The following CUX1 variants were observed in gnomAD, a reference collection of about 807,000 sequenced individuals.
CUX1 encodes protein CASP.
A neutral mutation model predicts 158.8 loss-of-function variants in CUX1; 31 were observed. The ratio of observed to expected loss-of-function variants is 0.20; its 90% CI spans 0.15 to 0.26. The LOEUF is 0.26. CUX1 is among the 10% of genes least tolerant of loss of function. The pLI, the probability that CUX1 is intolerant of heterozygous loss-of-function variation, is 1.00. For missense variants in CUX1, 1,589 were observed against 2,014.6 expected (o/e 0.79, Z 4.04); for synonymous variants, 879 against 862.1 (o/e 1.02, Z -0.34).
chr7:102,039,719 G>A (rs1262581564), intron 3 of CUX1, among the ~76,000 whole-genome samples: 1 of 150,862 alleles, frequency 6.6e-6, no homozygotes, highest in Non-Finnish European at 1.5e-5. Flanking sequence ...TGCAAACCCT[G>A]CCTGAAGCCC....
chr7:102,131,487 C>A (rs1833226289), intron 8 of CUX1, among the ~76,000 whole-genome samples: 1 of 142,856 alleles, frequency 7.0e-6, no homozygotes, highest in Admixed American at 7.0e-5. Flanking sequence ...GACATAATTT[C>A]TGTTTAAAAA....
intron 2 of CUX1, among the ~76,000 whole-genome samples, chr7:101,955,355 T>G (rs1289955055): frequency 3.9e-5 from 6 of 152,226 alleles, no homozygotes; most frequent in Non-Finnish European, 8.8e-5. Context: ...TTCACTGTGC[T>G]GAGTTCTACC....
intron 1 of CUX1, among the ~76,000 whole-genome samples, chr7:101,891,189 G>T (rs936781131): frequency 1.3e-5 from 2 of 152,038 alleles, no homozygotes; most frequent in African/African-American, 4.8e-5. Flanking sequence ...TGGAGTCTGA[G>T]ACTGGATCTG....
At chr7:102,150,809 T>G (rs1481128594) in intron 8 of CUX1, among the ~76,000 whole-genome samples, 2 of 152,216 alleles carry the variant, frequency 1.3e-5, no homozygotes, top group Admixed American at 6.5e-5. Flanking sequence ...GAACTACATA[T>G]TCTAGGCCAA....
intron 2 of CUX1, among the ~76,000 whole-genome samples, chr7:102,013,334 C>T (rs1225772487): frequency 6.6e-6 from 1 of 152,130 alleles, no homozygotes; most frequent in Non-Finnish European, 1.5e-5. Context: ...CAAATTTGCT[C>T]GACATTTATG....
chr7:102,096,958 A>G (rs1829263527), intron 4 of CUX1, among the ~76,000 whole-genome samples: 1 of 152,202 alleles, frequency 6.6e-6, no homozygotes, highest in East Asian at 1.9e-4. Flanking sequence ...GGACCCTTAA[A>G]CATCCCGGCA....
At chr7:101,866,253 G>C (rs548105429) in intron 1 of CUX1, among the ~76,000 whole-genome samples, 2 of 152,088 alleles carry the variant, frequency 1.3e-5, no homozygotes, top group South Asian at 2.1e-4. Flanking sequence ...CTTGAGGCCA[G>C]GGGTTCGAGA....
intron 5 of CUX1, among the ~76,000 whole-genome samples, chr7:102,101,894 AGAGC>A (rs1554486522): frequency 6.8e-6 from 1 of 147,382 alleles, no homozygotes; most frequent in East Asian, 1.9e-4. Flanking sequence ...CCTGGGTGAC[AGAGC>A]GAGTATCTGT....
intron 8 of CUX1, among the ~76,000 whole-genome samples, chr7:102,116,170 G>A (rs578115568): frequency 5.3e-5 from 8 of 152,218 alleles, no homozygotes; most frequent in South Asian, 4.1e-4. Context: ...ATGGGGTGCC[G>A]GCACTTACTG....
chr7:102,166,673 A>G (rs556242749), intron 9 of CUX1, among the ~76,000 whole-genome samples: 1 of 152,330 alleles, frequency 6.6e-6, no homozygotes, highest in Non-Finnish European at 1.5e-5. Context: ...GCTCCAGATC[A>G]GTGTCTGTTT....
chr7:102,097,782 G>C (rs1259664016), intron 5 of CUX1, among the ~76,000 whole-genome samples: 1 of 152,222 alleles, frequency 6.6e-6, no homozygotes, highest in African/African-American at 2.4e-5. Flanking sequence ...ATCATTACGT[G>C]ATTGGGTCTG....
intron 20 of CUX1, among the ~76,000 whole-genome samples, chr7:102,223,404 C>T (rs1432880902): frequency 6.6e-6 from 1 of 152,094 alleles, no homozygotes; most frequent in Non-Finnish European, 1.5e-5. Context: ...TTTATGTTGA[C>T]TGTAGGTCTT....
At chr7:101,938,905 G>A (rs553958518) in intron 2 of CUX1, among the ~76,000 whole-genome samples, 2 of 151,708 alleles carry the variant, frequency 1.3e-5, no homozygotes, top group African/African-American at 4.8e-5. Flanking sequence ...GCTGGGCATG[G>A]TGGTGTATGT....
intron 20 of CUX1, among the ~76,000 whole-genome samples, chr7:102,207,416 A>G (rs1796065683): frequency 6.6e-6 from 1 of 152,172 alleles, no homozygotes; most frequent in Non-Finnish European, 1.5e-5. Flanking sequence ...GTGACTAGGG[A>G]GAAAAATGGA....
Position 102,195,510 on chromosome 7 carries a change from G to A in CUX1, c.1129G>A (p.Ala377Thr), listed in dbSNP as rs1794706995. Reference sequence around the variant, plus strand: ...ACCCCCGCTCTGCCCCTTCTAGGATGCGGCCAAGCCCCTGGAGGTGCTGTT... The same window carrying A: ...ACCCCCGCTCTGCCCCTTCTAGGATACGGCCAAGCCCCTGGAGGTGCTGTT... Reference protein sequence around the residue: ...APSEGAGTQDAAKPLEVLLLE... With the variant: ...APSEGAGTQDTAKPLEVLLLE... Residue 377 changes from alanine (A) to threonine (T), a missense_variant, in exon 14 of 24, where the codon GCG becomes ACG. By Grantham distance (58) the Ala-to-Thr change is moderately conservative (BLOSUM62 0). Transcript: ENST00000292535. The A allele has an allele frequency of 6.2e-7, 1 of 1,611,378 alleles. No individual in the cohort carries two copies. Among genetic ancestry groups the A allele is most frequent in the East Asian group, 2.2e-5 (1 of 44,822 alleles).
intron 20 of CUX1, among the ~76,000 whole-genome samples, chr7:102,220,554 C>T (rs768881242): frequency 6.6e-6 from 1 of 152,202 alleles, no homozygotes; most frequent in Non-Finnish European, 1.5e-5. Flanking sequence ...GGTGGCCACC[C>T]TGTTGTGTCT....
At chr7:102,030,035 G>A (rs1820536741) in intron 3 of CUX1, among the ~76,000 whole-genome samples, 1 of 149,860 alleles carries the variant, frequency 6.7e-6, no homozygotes, top group Admixed American at 6.7e-5. Flanking sequence ...TTTTGAGACA[G>A]ATTTTCACTC....
chr7:102,000,027 G>T (rs946245933), intron 2 of CUX1, among the ~76,000 whole-genome samples: 2 of 152,132 alleles, frequency 1.3e-5, no homozygotes, highest in African/African-American at 2.4e-5. Flanking sequence ...GACCAGCCTG[G>T]CCAACATGGC....
chr7:102,233,222 G>C (rs1218908403), intron 21 of CUX1, among the ~76,000 whole-genome samples: 1 of 114,636 alleles, frequency 8.7e-6, no homozygotes, highest in Non-Finnish European at 1.6e-5. Context: ...CTCTCTCTCT[G>C]TTGCCCAGGC....
Sources: allele counts gnomAD v4.1 joint callset (sites outside exome capture counted in the v4.1 genomes callset), GRCh38; gene constraint gnomAD v4.1.1; transcripts MANE v1.5; gene names NCBI Gene and HGNC (gene_info 2026-07-23, HGNC 2026-07-21).